Variants in ZBTB7C observed in about 807,000 individuals in gnomAD.
The protein encoded by ZBTB7C is zinc finger and BTB domain containing 7C.
A neutral mutation model predicts 25.7 loss-of-function variants in ZBTB7C; 8 were observed. The observed-to-expected ratio is 0.31, with a 90% CI of 0.18 to 0.56. ZBTB7C has a LOEUF of 0.56. Among genes scored for constraint, ZBTB7C ranks in the 20% least tolerant of loss-of-function variants. The probability of loss-of-function intolerance (pLI) is 0.91; values close to 1 mark genes in which losing one functional copy is unlikely to be tolerated. For synonymous variants in ZBTB7C, 394 were observed against 369.0 expected (o/e 1.07, Z -0.78); for missense variants, 824 against 855.2 (o/e 0.96, Z 0.46).
chr18:48,100,705 T>C (rs2038798191), intron 3 of ZBTB7C, among the ~76,000 whole-genome samples: 1 of 152,200 alleles, frequency 6.6e-6, no homozygotes, highest in South Asian at 2.1e-4. Context: ...CATTACATTA[T>C]TTTAATAAGG....
chr18:48,043,267 C>A (rs2036332591), intron 3 of ZBTB7C, among the ~76,000 whole-genome samples: 1 of 152,174 alleles, frequency 6.6e-6, no homozygotes, highest in Non-Finnish European at 1.5e-5. Context: ...AATCTTATGT[C>A]CATGAAAAAC....
At chr18:48,294,726 A>C (rs1010036065) in intron 2 of ZBTB7C, among the ~76,000 whole-genome samples, 1 of 151,116 alleles carries the variant, frequency 6.6e-6, no homozygotes, top group Non-Finnish European at 1.5e-5. Flanking sequence ...CCCTCCCCCA[A>C]CACCAGCAGG....
chr18:48,377,258 G>C lies in ZBTB7C; in HGVS notation c.-304+31968C>G, dbSNP rs895042722. ...CAGTCTGGGTATTGGGTCAGGTGCT[G>C]GAGATCTAAAGATGAACAAGAGGTA... On this transcript the variant is annotated intron_variant, in intron 1 of 4. Transcript: ENST00000590800. 4.6e-5 allele frequency among the ~76,000 whole-genome samples: 7 copies of C among 152,244 alleles called. No individual in the cohort carries two copies. The East Asian group carries it at 1.3e-3, about 29-fold the overall frequency.
intron 2 of ZBTB7C, among the ~76,000 whole-genome samples, chr18:48,200,821 T>C (rs1277521643): frequency 6.6e-6 from 1 of 152,182 alleles, no homozygotes; most frequent in Non-Finnish European, 1.5e-5. Flanking sequence ...AGAAAGTAGA[T>C]GGGCTCTCTA....
intron 2 of ZBTB7C, among the ~76,000 whole-genome samples, chr18:48,211,127 T>C (rs1272417205): frequency 6.6e-6 from 1 of 152,166 alleles, no homozygotes; most frequent in Non-Finnish European, 1.5e-5. Flanking sequence ...AAAACAACTG[T>C]ATATCCATAT....
At chr18:48,080,997 C>T (rs964345613) in intron 3 of ZBTB7C, among the ~76,000 whole-genome samples, 2 of 152,218 alleles carry the variant, frequency 1.3e-5, no homozygotes, top group Non-Finnish European at 2.9e-5. Context: ...CTGAAATTTC[C>T]CTGGGAGCCT....
chr18:48,361,545 C>T (rs1349844747), intron 1 of ZBTB7C, among the ~76,000 whole-genome samples: 2 of 152,210 alleles, frequency 1.3e-5, no homozygotes, highest in East Asian at 3.8e-4. Context: ...AATAAACATG[C>T]TTCCTAAATG....
chr18:48,409,983 G>C (rs192453166), upstream of ZBTB7C, among the ~76,000 whole-genome samples: 6 of 116,640 alleles, frequency 5.1e-5, no homozygotes, highest in African/African-American at 3.3e-4. Context: ...CCGGGGCAGC[G>C]GTGCGGCAGA....
chr18:48,120,400 C>T (rs560561100), intron 3 of ZBTB7C, among the ~76,000 whole-genome samples: 7 of 151,994 alleles, frequency 4.6e-5, no homozygotes, highest in Middle Eastern at 3.4e-3. Context: ...CTGAGGCGGG[C>T]GGATCACTTG....
chr18:48,155,900 A>G (rs1184789031), intron 3 of ZBTB7C, among the ~76,000 whole-genome samples: 1 of 152,228 alleles, frequency 6.6e-6, no homozygotes, highest in Non-Finnish European at 1.5e-5. Context: ...GGTTGGAAAT[A>G]GAAGAATACT....
intron 2 of ZBTB7C, among the ~76,000 whole-genome samples, chr18:48,261,055 A>G (rs2044157642): frequency 1.3e-5 from 2 of 151,936 alleles, no homozygotes; most frequent in Non-Finnish European, 1.5e-5. Context: ...CACTTAACTA[A>G]TAAATAGTAT....
At chr18:48,037,179 A>T (rs887874278) in intron 4 of ZBTB7C, among the ~76,000 whole-genome samples, 1 of 152,242 alleles carries the variant, frequency 6.6e-6, no homozygotes, top group Non-Finnish European at 1.5e-5. Context: ...GGAGGGTCAG[A>T]GACCAGTGGG....
chr18:48,269,360 T>C (rs1011341199), intron 2 of ZBTB7C, among the ~76,000 whole-genome samples: 1 of 152,162 alleles, frequency 6.6e-6, no homozygotes, highest in Non-Finnish European at 1.5e-5. Flanking sequence ...GCACTAATCA[T>C]ATTCCTAAGG....
chr18:48,135,579 G>T (rs2040125929), intron 3 of ZBTB7C, among the ~76,000 whole-genome samples: 1 of 152,112 alleles, frequency 6.6e-6, no homozygotes, highest in South Asian at 2.1e-4. Context: ...TGCCTTAAGG[G>T]GGGAGGACCG....
At position 48,041,041 on chromosome 18, in the gene ZBTB7C, T is replaced by C. The variant is rs762064635; in HGVS notation, c.67A>G (p.Ser23Gly). ...CCATCGTGCCGTTGCTCATTGAGGC[T>C]GCACAGGACCTCACTGCTGTGGTTG... ...FPNHSSEVLC[S>G]LNEQRHDGLL... Residue 23 changes from serine (S) to glycine (G), a missense_variant, in exon 4 of 5, where the codon AGC becomes GGC. Physicochemically the swap from Ser to Gly is moderately conservative, Grantham distance 56. Coordinates refer to ENST00000590800, the MANE Select transcript of ZBTB7C (RefSeq NM_001318841.2). 9 of 1,613,746 alleles carry C rather than the reference T, an allele frequency of 5.6e-6. No individual in the cohort carries two copies. The highest frequency in any genetic ancestry group is 2.2e-5 in the East Asian group (1 of 44,878).
At chr18:48,236,799 T>G (rs1053491889) in intron 2 of ZBTB7C, among the ~76,000 whole-genome samples, 1 of 152,210 alleles carries the variant, frequency 6.6e-6, no homozygotes, top group African/African-American at 2.4e-5. Flanking sequence ...ATTGAAAAGT[T>G]TGGCCCAAAG....
In ZBTB7C at chr18:48,040,625, CTCCTCTTCCTCCTCCTCCTCTTCG is replaced by C; in HGVS notation, c.459_482del (p.Asp153_Glu160del). 6.2e-7 allele frequency: 1 copy of C among 1,611,222 alleles called. No homozygotes were observed. Among genetic ancestry groups the C allele is most frequent in the Non-Finnish European group, 8.5e-7 (1 of 1,179,432 alleles). ...CCTCCGTGTCATCATCGTCATCCTC[CTCCTCTTCCTCCTCCTCCTCTTCG>C]TCCTCCTCATCATCATCATCTTCGT... is the stretch of plus-strand genomic sequence containing the variant. On this transcript the variant is annotated inframe_deletion, in exon 4 of 5. Transcript: ENST00000590800.
chr18:48,350,152 C>T (rs1568392223), intron 1 of ZBTB7C, among the ~76,000 whole-genome samples: 1 of 152,210 alleles, frequency 6.6e-6, no homozygotes. Context: ...TAGTGGTTTA[C>T]ACAACATGAA....
chr18:48,314,920 G>A (rs1044602850), intron 2 of ZBTB7C, among the ~76,000 whole-genome samples: 2 of 152,160 alleles, frequency 1.3e-5, no homozygotes, highest in East Asian at 1.9e-4. Context: ...GTCCTGAGCC[G>A]GCTGTTAATG....
Sources: allele counts gnomAD v4.1 joint callset (sites outside exome capture counted in the v4.1 genomes callset), GRCh38; gene constraint gnomAD v4.1.1; transcripts MANE v1.5; gene names NCBI Gene and HGNC (gene_info 2026-07-23, HGNC 2026-07-21).